Variants in SLC2A9 observed in about 807,000 individuals in gnomAD.
SLC2A9 encodes solute carrier family 2, facilitated glucose transporter member 9.
SLC2A9 carries 39 observed loss-of-function variants against 50.6 expected under a neutral mutation model. The ratio of observed to expected loss-of-function variants is 0.77; its 90% CI spans 0.60 to 1.01. The LOEUF (loss-of-function observed/expected upper bound fraction) is 1.01, where lower values mean the gene tolerates loss of function less well. Ranked by LOEUF, SLC2A9 falls within the 50% of genes least tolerant of loss-of-function variation. The pLI is 0.00. For synonymous variants in SLC2A9, 324 were observed against 276.9 expected (o/e 1.17, Z -1.69); for missense variants, 686 against 677.6 (o/e 1.01, Z -0.14).
chr4:9,791,778 T>C (rs1719946174), intron 3 of SLC2A9, among the ~76,000 whole-genome samples: 2 of 152,164 alleles, frequency 1.3e-5, no homozygotes, highest in Non-Finnish European at 1.5e-5. Flanking sequence ...CATAGCCTTA[T>C]ATTACTCCTT....
intron 1 of SLC2A9, among the ~76,000 whole-genome samples, chr4:10,030,158 G>C (rs1193207509): frequency 6.6e-6 from 1 of 152,134 alleles, no homozygotes; most frequent in Non-Finnish European, 1.5e-5. Context: ...TGTACAGTAT[G>C]ATGAGCATAG....
intron 7 of SLC2A9, among the ~76,000 whole-genome samples, chr4:9,909,102 T>C (rs191275641): frequency 7.2e-5 from 11 of 152,328 alleles, no homozygotes; most frequent in Non-Finnish European, 1.3e-4. Flanking sequence ...CCACAATGCA[T>C]ACAAGGTGAA....
At chr4:9,951,332 G>C (rs1477668286) in intron 5 of SLC2A9, among the ~76,000 whole-genome samples, 1 of 152,144 alleles carries the variant, frequency 6.6e-6, no homozygotes, top group Non-Finnish European at 1.5e-5. Flanking sequence ...AGATAACAGA[G>C]ACAGAGAAGG....
intron 10 of SLC2A9, among the ~76,000 whole-genome samples, chr4:9,842,168 G>A (rs904782895): frequency 2.0e-5 from 3 of 151,900 alleles, no homozygotes; most frequent in African/African-American, 7.3e-5. Context: ...ATTTTCTTAG[G>A]TATTTGCAGG....
chr4:10,001,545 G>A (rs968844662), intron 2 of SLC2A9, among the ~76,000 whole-genome samples: 2 of 152,192 alleles, frequency 1.3e-5, no homozygotes, highest in African/African-American at 4.8e-5. Context: ...CTTTGTTACA[G>A]CAGCTCTAGA....
intron 10 of SLC2A9, among the ~76,000 whole-genome samples, chr4:9,881,262 A>G (rs1049403943): frequency 6.6e-6 from 1 of 152,242 alleles, no homozygotes; most frequent in African/African-American, 2.4e-5. Flanking sequence ...CCTGGGCCCT[A>G]GCCCTCCAAG....
intron 6 of SLC2A9, among the ~76,000 whole-genome samples, chr4:9,928,321 A>G (rs901974641): frequency 6.6e-6 from 1 of 152,264 alleles, no homozygotes; most frequent in Non-Finnish European, 1.5e-5. Flanking sequence ...GATAAAGATG[A>G]CATTTTAACA....
At chr4:9,935,754 C>T (rs929365673) in intron 6 of SLC2A9, among the ~76,000 whole-genome samples, 3 of 152,180 alleles carry the variant, frequency 2.0e-5, no homozygotes, top group African/African-American at 7.2e-5. Context: ...CTCCCAGCAC[C>T]GTCTCGCCTG....
chr4:9,915,340 T>C (rs6838317), intron 7 of SLC2A9, among the ~76,000 whole-genome samples: 105,056 of 152,108 alleles, frequency 0.69, 36,623 homozygotes, highest in East Asian at 0.77. Context: ...TGGGTTCAAG[T>C]GATTCTCCTG....
intron 10 of SLC2A9, among the ~76,000 whole-genome samples, chr4:9,856,811 C>A (rs1303605540): frequency 2.0e-5 from 3 of 152,160 alleles, no homozygotes; most frequent in Non-Finnish European, 4.4e-5. Context: ...ACGTCTTTTG[C>A]AGCAACATGG....
At chr4:9,831,102 T>C (rs1376776433) in intron 11 of SLC2A9, among the ~76,000 whole-genome samples, 1 of 152,126 alleles carries the variant, frequency 6.6e-6, no homozygotes, top group African/African-American at 2.4e-5. Context: ...CCAGGCTTCT[T>C]AGGGGTCTGT....
chr4:9,899,825 C>A (rs1278180548), intron 8 of SLC2A9, among the ~76,000 whole-genome samples: 3 of 152,080 alleles, frequency 2.0e-5, no homozygotes, highest in Non-Finnish European at 4.4e-5. Flanking sequence ...CCATCCCATG[C>A]CAACTGGGAT....
downstream of SLC2A9, among the ~76,000 whole-genome samples, chr4:9,824,059 CAG>C (rs1247996333): frequency 1.3e-5 from 2 of 152,114 alleles, no homozygotes; most frequent in Non-Finnish European, 2.9e-5. Context: ...TATTGAGAGG[CAG>C]AGTCTTTAAA....
At chr4:9,783,466 T>G in intron 3 of SLC2A9, 3 of 1,594,454 alleles carry the variant, frequency 1.9e-6, no homozygotes, top group Non-Finnish European at 2.6e-6. Flanking sequence ...TCCATTAAAC[T>G]GCATTAAGAA....
intron 6 of SLC2A9, among the ~76,000 whole-genome samples, chr4:9,938,456 A>T (rs1286431726): frequency 6.6e-6 from 1 of 151,922 alleles, no homozygotes. Context: ...TATTTTTAGT[A>T]GAAACAGGGT....
chr4:9,822,015 G>A (rs932648832), downstream of SLC2A9, among the ~76,000 whole-genome samples: 2 of 152,142 alleles, frequency 1.3e-5, no homozygotes, highest in Non-Finnish European at 2.9e-5. Context: ...TTACAGGCAG[G>A]GTTATTAACA....
At chr4:10,003,464 G>A (rs2109351724) in intron 2 of SLC2A9, among the ~76,000 whole-genome samples, 1 of 152,326 alleles carries the variant, frequency 6.6e-6, no homozygotes, top group South Asian at 2.1e-4. Flanking sequence ...GTTGGGAAAT[G>A]GCTGACAGAA....
At chr4:9,824,448 C>T (rs1185868392), downstream of SLC2A9, among the ~76,000 whole-genome samples, 1 of 152,156 alleles carries the variant, frequency 6.6e-6, no homozygotes, top group Non-Finnish European at 1.5e-5. Flanking sequence ...TGGCCTATTG[C>T]CTGACAGTCA....
At chr4:9,906,028 A>G (rs1011799687) in intron 8 of SLC2A9, among the ~76,000 whole-genome samples, 1 of 152,194 alleles carries the variant, frequency 6.6e-6, no homozygotes, top group Non-Finnish European at 1.5e-5. Flanking sequence ...AAAATCACAC[A>G]TTATGGAAAT....
Sources: allele counts gnomAD v4.1 joint callset (sites outside exome capture counted in the v4.1 genomes callset), GRCh38; gene constraint gnomAD v4.1.1; transcripts MANE v1.5; gene names NCBI Gene and HGNC (gene_info 2026-07-23, HGNC 2026-07-21).